The following KLHL29 variants were observed in gnomAD, a reference collection of about 807,000 sequenced individuals.
The protein encoded by KLHL29 is kelch-like protein 29.
A neutral mutation model predicts 80.4 loss-of-function variants in KLHL29; 21 were observed. That is an observed-to-expected ratio of 0.26 (90% CI 0.19 to 0.38). KLHL29 has a LOEUF of 0.38. Among genes scored for constraint, KLHL29 ranks in the 10% least tolerant of loss-of-function variants. The pLI is 1.00. For missense variants in KLHL29, 867 were observed against 1,223.9 expected (o/e 0.71, Z 4.35); for synonymous variants, 511 against 526.8 (o/e 0.97, Z 0.41).
chr2:23,472,064 G>T (rs1282987102), intron 1 of KLHL29, among the ~76,000 whole-genome samples: 1 of 140,932 alleles, frequency 7.1e-6, no homozygotes, highest in Non-Finnish European at 1.5e-5. Context: ...TACATGATGG[G>T]TGCTATGGAC....
At chr2:23,430,585 A>G (rs1166112836) in intron 1 of KLHL29, among the ~76,000 whole-genome samples, 1 of 152,162 alleles carries the variant, frequency 6.6e-6, no homozygotes, top group African/African-American at 2.4e-5. Context: ...GCCTGAGATC[A>G]TTACATCAGT....
chr2:23,597,305 A>ATGTGTGTGTGTGTGTGTGTGTGTGTG (rs1414492384), intron 3 of KLHL29, among the ~76,000 whole-genome samples: 5 of 97,574 alleles, frequency 5.1e-5, no homozygotes, highest in Admixed American at 1.3e-4. Flanking sequence ...TCATATATAT[A>ATGTGTGTGTGTGTGTGTGTGTGTGTG]TATATGTGTG....
Position 23,649,508 on chromosome 2 carries a change from C to T in KLHL29, c.940+6658C>T, listed in dbSNP as rs2149162865. The stretch of plus-strand genomic sequence containing the variant: ...GATGCCGCAGAGGCCGCTGGACCAC[C>T]CAGGGATGGTGTCATCCTGGGAGCA... On this transcript the variant is annotated intron_variant, in intron 5 of 13. Coordinates refer to ENST00000486442, the MANE Select transcript of KLHL29 (RefSeq NM_052920.2). Among the ~76,000 whole-genome samples the T allele has an allele frequency of 3.9e-5, 6 of 152,320 alleles. 1 individual carries two copies. The highest frequency in any genetic ancestry group is 3.9e-4 in the Admixed American group (6 of 15,304).
At chr2:23,493,829 T>C (rs1269919980) in intron 2 of KLHL29, among the ~76,000 whole-genome samples, 1 of 152,140 alleles carries the variant, frequency 6.6e-6, no homozygotes, top group African/African-American at 2.4e-5. Context: ...GGTCAAATAT[T>C]TAGGATGGAT....
intron 1 of KLHL29, among the ~76,000 whole-genome samples, chr2:23,462,056 C>T (rs1190001610): frequency 1.3e-5 from 2 of 150,854 alleles, no homozygotes; most frequent in African/African-American, 4.9e-5. Flanking sequence ...TTCCTTCCAC[C>T]CATGAGAAGA....
intron 1 of KLHL29, among the ~76,000 whole-genome samples, chr2:23,460,162 A>G (rs904044450): frequency 1.3e-5 from 2 of 152,218 alleles, no homozygotes; most frequent in Admixed American, 1.3e-4. Context: ...GATATTTATT[A>G]TGAGCACTAA....
At chr2:23,394,643 A>T (rs1453991960) in intron 1 of KLHL29, among the ~76,000 whole-genome samples, 2 of 152,186 alleles carry the variant, frequency 1.3e-5, no homozygotes, top group Admixed American at 6.5e-5. Flanking sequence ...TTATTTGAAT[A>T]AAAAAATCAT....
At chr2:23,507,878 T>C (rs1665649317) in intron 2 of KLHL29, among the ~76,000 whole-genome samples, 1 of 152,254 alleles carries the variant, frequency 6.6e-6, no homozygotes. Flanking sequence ...TCCATGGCTC[T>C]ATAGTTCTCT....
At chr2:23,446,204 G>GTTTT (rs11421477) in intron 1 of KLHL29, among the ~76,000 whole-genome samples, 2 of 144,086 alleles carry the variant, frequency 1.4e-5, no homozygotes. Context: ...TGCATTTGGA[G>GTTTT]TTTTTTTTTT....
chr2:23,594,829 A>G (rs1179422476), intron 3 of KLHL29, among the ~76,000 whole-genome samples: 1 of 152,204 alleles, frequency 6.6e-6, no homozygotes, highest in Non-Finnish European at 1.5e-5. Flanking sequence ...TTTACATACC[A>G]AATGGGTTTT....
rs571585581 is a variant in KLHL29 at position 23,636,261 on chromosome 2, CTGGAGGAAG to C, written c.286-2868_286-2860del. 2.6e-3 allele frequency among the ~76,000 whole-genome samples: 403 copies of C among 152,248 alleles called. 1 individual carries two copies. Among genetic ancestry groups the C allele is most frequent in the African/African-American group, 9.2e-3 (384 of 41,550 alleles). On this transcript the variant is annotated intron_variant, in intron 3 of 13. Transcript: ENST00000486442. Reference sequence around the variant, plus strand: ...GGCACACCCCGTGTCCAGGTTTTTTCTGGAGGAAGTGGAGGAAGGAATGTCATTGCATTA... The same window carrying C: ...GGCACACCCCGTGTCCAGGTTTTTTCTGGAGGAAGGAATGTCATTGCATTA...
intron 2 of KLHL29, among the ~76,000 whole-genome samples, chr2:23,518,015 A>G (rs1338758193): frequency 1.3e-5 from 2 of 152,194 alleles, no homozygotes; most frequent in African/African-American, 2.4e-5. Flanking sequence ...CCCCTTTCCC[A>G]GAGGACTATG....
intron 12 of KLHL29, 94 bp from the exon 13 acceptor site, chr2:23,703,625 C>T (rs1014002204): frequency 2.5e-4 from 343 of 1,395,248 alleles, no homozygotes; most frequent in Non-Finnish European, 3.1e-4. Flanking sequence ...GGAAGTCTTT[C>T]GAGCTTCCTT....
At chr2:23,456,334 G>C (rs1278492170) in intron 1 of KLHL29, among the ~76,000 whole-genome samples, 1 of 152,208 alleles carries the variant, frequency 6.6e-6, no homozygotes, top group Non-Finnish European at 1.5e-5. Context: ...CTGAGAGGGA[G>C]CCACCTCCAC....
chr2:23,679,687 G>T (rs1316418890), intron 5 of KLHL29, among the ~76,000 whole-genome samples: 1 of 149,888 alleles, frequency 6.7e-6, no homozygotes, highest in Non-Finnish European at 1.5e-5. Flanking sequence ...TCTAGTGCAG[G>T]AGGCAGACAT....
chr2:23,653,582 C>T (rs972431865), intron 5 of KLHL29, among the ~76,000 whole-genome samples: 2 of 152,106 alleles, frequency 1.3e-5, no homozygotes, highest in African/African-American at 4.8e-5. Flanking sequence ...TCACAGGGGC[C>T]GAGTCATACA....
intron 1 of KLHL29, among the ~76,000 whole-genome samples, chr2:23,425,158 CT>C (rs773894895): frequency 4.6e-5 from 7 of 152,074 alleles, no homozygotes; most frequent in Non-Finnish European, 1.0e-4. Context: ...GAATAATATA[CT>C]CATATAAAAT....
intron 1 of KLHL29, among the ~76,000 whole-genome samples, chr2:23,452,949 G>A (rs370471550): frequency 2.6e-5 from 4 of 151,684 alleles, no homozygotes; most frequent in Non-Finnish European, 4.4e-5. Flanking sequence ...CTTGAGCTGC[G>A]CTTCCACATA....
chr2:23,511,538 C>T (rs951253662), intron 2 of KLHL29, among the ~76,000 whole-genome samples: 5 of 152,098 alleles, frequency 3.3e-5, no homozygotes, highest in African/African-American at 9.7e-5. Flanking sequence ...AGAGATGATT[C>T]GAGGCTGAGG....
Sources: allele counts gnomAD v4.1 joint callset (sites outside exome capture counted in the v4.1 genomes callset), GRCh38; gene constraint gnomAD v4.1.1; transcripts MANE v1.5; gene names NCBI Gene and HGNC (gene_info 2026-07-23, HGNC 2026-07-21).